Variants in PLS3 observed in about 807,000 individuals in gnomAD.
PLS3 encodes the protein plastin-3.
A neutral mutation model predicts 46.5 loss-of-function variants in PLS3; 11 were observed. The observed-to-expected ratio is 0.24, with a 90% CI of 0.15 to 0.39. PLS3 has a LOEUF of 0.39. Ranked by LOEUF, PLS3 falls within the 10% of genes least tolerant of loss-of-function variation. The pLI, the probability that PLS3 is intolerant of heterozygous loss-of-function variation, is 1.00. For synonymous variants in PLS3, 167 were observed against 162.2 expected, an observed-to-expected ratio of 1.03 and a Z score of -0.22; for missense variants, 308 against 461.8, an observed-to-expected ratio of 0.67 and a Z score of 3.05.
chrX:115,582,836 T>A (rs2074286628), intron 1 of PLS3, among the ~76,000 whole-genome samples: 1 of 112,259 alleles, frequency 8.9e-6, no homozygotes, highest in Non-Finnish European at 1.9e-5. Flanking sequence ...GACAGGAGTT[T>A]GAGATCAGCC....
chrX:115,591,466 C>T (rs1275701581), intron 1 of PLS3, among the ~76,000 whole-genome samples: 5 of 111,634 alleles, frequency 4.5e-5, no homozygotes, highest in African/African-American at 1.6e-4. Flanking sequence ...AAGCTGTCTT[C>T]TAAAATGAAG....
At chrX:115,613,924 C>T (rs1240651245) in intron 2 of PLS3, among the ~76,000 whole-genome samples, 1 of 110,812 alleles carries the variant, frequency 9.0e-6, no homozygotes, top group Non-Finnish European at 1.9e-5. Flanking sequence ...TTAAGTGAAG[C>T]CTGCTTTGAA....
chrX:115,644,629 A>AATAAATAC (rs2147581726), intron 10 of PLS3, among the ~76,000 whole-genome samples: 1 of 110,095 alleles, frequency 9.1e-6, no homozygotes, highest in African/African-American at 3.3e-5. Flanking sequence ...TAAATAAATA[A>AATAAATAC]ATAATGCAAA....
intron 3 of PLS3, among the ~76,000 whole-genome samples, chrX:115,626,191 C>T (rs188623511): frequency 2.7e-5 from 3 of 112,045 alleles, no homozygotes; most frequent in African/African-American, 6.5e-5. Flanking sequence ...TCCACTTAAG[C>T]GATTTCTTTA....
chrX:115,603,878 A>C (rs781909529), intron 1 of PLS3, among the ~76,000 whole-genome samples: 1 of 112,355 alleles, frequency 8.9e-6, no homozygotes, highest in African/African-American at 3.2e-5. Context: ...ATATTGTGAA[A>C]TCGGGGTTAA....
At chrX:115,598,988 C>G (rs2074415136) in intron 1 of PLS3, among the ~76,000 whole-genome samples, 1 of 111,302 alleles carries the variant, frequency 9.0e-6, no homozygotes, top group Non-Finnish European at 1.9e-5. Flanking sequence ...TAGTTCAAGG[C>G]TTAAGTGAAT....
chrX:115,619,699 T>G (rs1334299673), intron 2 of PLS3, among the ~76,000 whole-genome samples: 1 of 112,570 alleles, frequency 8.9e-6, no homozygotes, highest in Non-Finnish European at 1.9e-5. Flanking sequence ...TTGTTATTGA[T>G]GTTTTAAAAG....
intron 1 of PLS3, among the ~76,000 whole-genome samples, chrX:115,576,320 G>A (rs1433653162): frequency 1.8e-5 from 2 of 111,757 alleles, no homozygotes; most frequent in Non-Finnish European, 3.8e-5. Context: ...TGTAATCCCA[G>A]CACTTTAGGA....
intron 1 of PLS3, among the ~76,000 whole-genome samples, chrX:115,576,607 G>A (rs1458644571): frequency 9.0e-6 from 1 of 111,478 alleles, no homozygotes; most frequent in East Asian, 2.8e-4. Flanking sequence ...CTTGACCCCA[G>A]ATTCACCAGA....
intron 3 of PLS3, among the ~76,000 whole-genome samples, chrX:115,623,529 TA>T (rs1238767733): frequency 8.9e-6 from 1 of 111,740 alleles, no homozygotes; most frequent in African/African-American, 3.3e-5. Context: ...TCTAAATTAA[TA>T]AATTAATTAA....
chrX:115,602,533 T>C (rs781940838), intron 1 of PLS3, among the ~76,000 whole-genome samples: 1 of 111,459 alleles, frequency 9.0e-6, no homozygotes, highest in Non-Finnish European at 1.9e-5. Context: ...TTTCTATTGG[T>C]AAAGGTAGGT....
At chrX:115,572,275 G>GC (rs1431280624) in intron 1 of PLS3, among the ~76,000 whole-genome samples, 1 of 110,938 alleles carries the variant, frequency 9.0e-6, no homozygotes, top group East Asian at 2.8e-4. Flanking sequence ...GATTGCTTGA[G>GC]CCCAGGAATT....
At chrX:115,589,819 C>T (rs1409746342) in intron 1 of PLS3, among the ~76,000 whole-genome samples, 2 of 111,787 alleles carry the variant, frequency 1.8e-5, no homozygotes, top group Non-Finnish European at 3.8e-5. Context: ...TTTTTCCACC[C>T]TGGGGTGGGA....
Position 115,650,224 on chromosome X carries a change from A to G in PLS3, c.*663A>G. On this transcript the variant is annotated 3_prime_UTR_variant, in exon 16 of 16. Coordinates refer to ENST00000355899, the MANE Select transcript of PLS3 (RefSeq NM_005032.7). ...TGCTACTTTTTTTAAGGGGTCTTCA[A>G]GTAAGTAAAACATACATCGTAGCTA... is the stretch of plus-strand genomic sequence containing the variant. The G allele has an allele frequency of 8.9e-6, 1 of 112,129 alleles. No homozygotes were observed. 9.2% of individuals were successfully genotyped at this position (112,129 alleles called of 1,213,427 possible).
chrX:115,633,584 G>A (rs1603241822), intron 5 of PLS3, among the ~76,000 whole-genome samples: 1 of 110,735 alleles, frequency 9.0e-6, no homozygotes, highest in East Asian at 2.8e-4. Context: ...TTGAACTCCT[G>A]GGCTCAAGCT....
chrX:115,589,088 C>G (rs1393086481), intron 1 of PLS3, among the ~76,000 whole-genome samples: 1 of 110,999 alleles, frequency 9.0e-6, no homozygotes, highest in Admixed American at 9.7e-5. Flanking sequence ...CTACCTCAGC[C>G]TCCCAAGTAG....
chrX:115,622,458 G>C, intron 3 of PLS3, 49 bp downstream of exon 3: 1 of 809,870 alleles, frequency 1.2e-6, no homozygotes, highest in Non-Finnish European at 1.8e-6. Flanking sequence ...ATGTTCCCTC[G>C]TCTAGTGGGA....
intron 1 of PLS3, among the ~76,000 whole-genome samples, chrX:115,588,713 C>G (rs1429721292): frequency 1.0e-4 from 11 of 110,286 alleles, no homozygotes; most frequent in Non-Finnish European, 1.9e-4. Flanking sequence ...TCCCTTTGCC[C>G]CACCCCTCCA....
At chrX:115,607,895 A>C (rs2074510439) in intron 1 of PLS3, among the ~76,000 whole-genome samples, 2 of 111,976 alleles carry the variant, frequency 1.8e-5, no homozygotes, top group Admixed American at 1.9e-4. Context: ...TGGTCATTTT[A>C]AAACTTCTCC....
Sources: gnomAD v4.1 joint callset for allele counts (sites outside exome capture counted in the v4.1 genomes callset) on GRCh38, gnomAD v4.1.1 for gene constraint, MANE v1.5 for transcripts, NCBI Gene and HGNC (gene_info 2026-07-23, HGNC 2026-07-21) for gene names.